MAPK9: variants seen among roughly 807,000 people sequenced by gnomAD.
The protein encoded by MAPK9 is mitogen-activated protein kinase 9.
In MAPK9, 30 loss-of-function variants were observed where a neutral mutation model predicts 57.1. That is an observed-to-expected ratio of 0.53 (90% CI 0.39 to 0.71). The LOEUF (loss-of-function observed/expected upper bound fraction) is 0.71, where lower values mean the gene tolerates loss of function less well. MAPK9 is among the 30% of genes least tolerant of loss of function. The probability of loss-of-function intolerance (pLI) is 0.00; values close to 1 mark genes in which losing one functional copy is unlikely to be tolerated. For synonymous variants in MAPK9, 155 were observed against 177.0 expected (o/e 0.88, Z 0.99); for missense variants, 362 against 521.0 (o/e 0.69, Z 2.97).
chr5:180,279,159 T>C (rs1159568761), intron 2 of MAPK9, among the ~76,000 whole-genome samples: 1 of 152,158 alleles, frequency 6.6e-6, no homozygotes, highest in Non-Finnish European at 1.5e-5. Context: ...GGTTTCACCA[T>C]GTTGGCCAGG....
intron 1 of MAPK9, among the ~76,000 whole-genome samples, chr5:180,290,515 T>C (rs2127637839): frequency 6.6e-6 from 1 of 152,330 alleles, no homozygotes; most frequent in East Asian, 1.9e-4. Context: ...CTTGTGTCCG[T>C]AGGGTCTAGC....
intron 4 of MAPK9, among the ~76,000 whole-genome samples, chr5:180,264,020 T>TCC (rs1235763182): frequency 6.6e-6 from 1 of 152,062 alleles, no homozygotes; most frequent in Non-Finnish European, 1.5e-5. Context: ...AACTTCTTTA[T>TCC]CCCCTTCAAG....
At chr5:180,274,438 T>G (rs1761633925) in intron 2 of MAPK9, among the ~76,000 whole-genome samples, 2 of 152,028 alleles carry the variant, frequency 1.3e-5, no homozygotes, top group African/African-American at 4.8e-5. Flanking sequence ...GAGATGTGAG[T>G]ATGGGAAGGA....
At chr5:180,241,835 C>A (rs1229841197) in intron 8 of MAPK9, among the ~76,000 whole-genome samples, 2 of 152,218 alleles carry the variant, frequency 1.3e-5, no homozygotes, top group African/African-American at 4.8e-5. Context: ...AGAGTGTGGG[C>A]ATGAGGCACG....
At chr5:180,271,485 C>T (rs961403409) in intron 2 of MAPK9, among the ~76,000 whole-genome samples, 4 of 152,160 alleles carry the variant, frequency 2.6e-5, no homozygotes, top group African/African-American at 4.8e-5. Flanking sequence ...TCCCTGGTTA[C>T]GTCTTTAAGT....
At chr5:180,256,756 C>A (rs557473277) in intron 5 of MAPK9, among the ~76,000 whole-genome samples, 5 of 152,192 alleles carry the variant, frequency 3.3e-5, no homozygotes, top group Non-Finnish European at 5.9e-5. Context: ...GGCCTGCCGA[C>A]GCTGCAGCTC....
chr5:180,263,627 C>T (rs1479550384), intron 4 of MAPK9, among the ~76,000 whole-genome samples: 1 of 152,024 alleles, frequency 6.6e-6, no homozygotes, highest in East Asian at 1.9e-4. Flanking sequence ...ACCAGGCGGG[C>T]ATCCACTGCT....
intron 5 of MAPK9, 73 bp from the exon 6 acceptor site, chr5:180,249,211 T>G: frequency 1.4e-6 from 2 of 1,405,610 alleles, no homozygotes; most frequent in South Asian, 2.7e-5. Flanking sequence ...TCCGTGAGGG[T>G]CGTGAAGCCA....
rs945175330 is a variant in MAPK9 at position 180,263,862 on chromosome 5, C to G, written c.311+919G>C. Reference sequence around the variant, plus strand: ...CTGGGACTACAGGCCCCCGCCACCACGCCCGGCTGATTTTTTGTATTTTTA... The same window carrying G: ...CTGGGACTACAGGCCCCCGCCACCAGGCCCGGCTGATTTTTTGTATTTTTA... On this transcript the variant is annotated intron_variant, in intron 4 of 11. Coordinates refer to ENST00000452135, the MANE Select transcript of MAPK9 (RefSeq NM_002752.5). Among the ~76,000 whole-genome samples, 6 of 152,134 alleles carry G rather than the reference C, an allele frequency of 3.9e-5. No homozygotes were observed. In the East Asian group the frequency reaches 1.2e-3, roughly 30 times the overall value.
chr5:180,285,056 G>A (rs1055956075), intron 1 of MAPK9, among the ~76,000 whole-genome samples: 4 of 152,184 alleles, frequency 2.6e-5, no homozygotes, highest in Admixed American at 6.5e-5. Flanking sequence ...CATGTTAAAT[G>A]AAAAGCTGCA....
chr5:180,272,933 A>C (rs541848002), intron 2 of MAPK9, among the ~76,000 whole-genome samples: 10 of 152,138 alleles, frequency 6.6e-5, no homozygotes, highest in Non-Finnish European at 1.3e-4. Flanking sequence ...AAATTTGTAC[A>C]GCTGCCAGCA....
chr5:180,264,697 C>A, intron 4 of MAPK9, 84 bp downstream of exon 4: 1 of 1,298,478 alleles, frequency 7.7e-7, no homozygotes, highest in South Asian at 1.6e-5. Context: ...ACCTACATTT[C>A]CTAAGTATAA....
intron 2 of MAPK9, among the ~76,000 whole-genome samples, chr5:180,276,050 C>T (rs370733616): frequency 6.6e-6 from 1 of 152,186 alleles, no homozygotes; most frequent in East Asian, 1.9e-4. Context: ...AACTGATTTG[C>T]CCTGCTCACA....
chr5:180,260,389 G>A (rs1395638229), intron 5 of MAPK9, among the ~76,000 whole-genome samples: 1 of 151,978 alleles, frequency 6.6e-6, no homozygotes, highest in East Asian at 1.9e-4. Flanking sequence ...CTCCCACTGA[G>A]AACAAATCTT....
intron 1 of MAPK9, among the ~76,000 whole-genome samples, chr5:180,289,970 C>A (rs1763089248): frequency 6.6e-6 from 1 of 152,180 alleles, no homozygotes. Context: ...ATCCTTCCAC[C>A]TCAGCCTCCC....
chr5:180,251,944 C>G (rs779371292), intron 5 of MAPK9, among the ~76,000 whole-genome samples: 7 of 152,136 alleles, frequency 4.6e-5, no homozygotes, highest in African/African-American at 1.7e-4. Context: ...CTGGCCTTGC[C>G]GGTCCTTCCC....
chr5:180,247,692 C>T lies in MAPK9; in HGVS notation c.617-182G>A, dbSNP rs1758256115. On this transcript the variant is annotated intron_variant, in intron 6 of 11. Coordinates refer to ENST00000452135, the MANE Select transcript of MAPK9 (RefSeq NM_002752.5). The surrounding 1 kb of genome is among the most constrained non-coding windows in gnomAD (Gnocchi z 4.5). ...ATTTTAGCCTTCGGTTTGTAGCAAT[C>T]TGGGGTTTTAGTGCCAAAGAGTCCA... 1.0e-6 allele frequency: 1 copy of T among 952,806 alleles called. No individual in the cohort carries two copies. The highest frequency in any genetic ancestry group is 1.7e-6 in the Non-Finnish European group (1 of 605,900). The allele number at this position is 952,806 out of a possible 1,614,324, so 59.0% of individuals were successfully genotyped here.
Position 180,247,965 on chromosome 5 carries a change from C to G in MAPK9, c.617-455G>C. 1.3e-6 allele frequency: 2 copies of G among 1,598,146 alleles called. No individual in the cohort carries two copies. The highest frequency in any genetic ancestry group is 4.5e-5 in the East Asian group (2 of 44,782). Reference sequence around the variant, plus strand: ...GGGGATTAAAAACCAGCTAGAGTCCCCCATCTTTTTTCTTCAAACCCCCTC... The same window carrying G: ...GGGGATTAAAAACCAGCTAGAGTCCGCCATCTTTTTTCTTCAAACCCCCTC... On this transcript the variant is annotated intron_variant, in intron 6 of 11. Coordinates refer to ENST00000452135, the MANE Select transcript of MAPK9 (RefSeq NM_002752.5). The surrounding 1 kb of genome is among the most constrained non-coding windows in gnomAD (Gnocchi z 4.5).
intron 3 of MAPK9, among the ~76,000 whole-genome samples, chr5:180,268,330 T>C (rs146333958): frequency 4.8e-4 from 73 of 152,340 alleles, no homozygotes; most frequent in African/African-American, 1.7e-3. Flanking sequence ...TTGAAACTGG[T>C]GTGTCATATA....
Sources: allele counts gnomAD v4.1 joint callset (sites outside exome capture counted in the v4.1 genomes callset), GRCh38; gene constraint gnomAD v4.1.1; non-coding constraint Gnocchi (gnomAD v3.1); transcripts MANE v1.5; gene names NCBI Gene and HGNC (gene_info 2026-07-23, HGNC 2026-07-21).